LAMA2: variants seen among roughly 807,000 people sequenced by gnomAD.
LAMA2 encodes the protein laminin subunit alpha-2.
LAMA2 carries 269 observed loss-of-function variants against 364.8 expected under a neutral mutation model. That is an observed-to-expected ratio of 0.74 (90% CI 0.67 to 0.82). The LOEUF is 0.82. Ranked by LOEUF, LAMA2 falls within the 40% of genes least tolerant of loss-of-function variation. The pLI, the probability that LAMA2 is intolerant of heterozygous loss-of-function variation, is 0.00. For missense variants in LAMA2, 3,807 were observed against 3,873.2 expected (o/e 0.98, Z 0.45); for synonymous variants, 1,379 against 1,370.6 (o/e 1.01, Z -0.14).
intron 3 of LAMA2, among the ~76,000 whole-genome samples, chr6:129,075,072 A>G (rs1373238979): frequency 2.0e-5 from 3 of 152,148 alleles, no homozygotes; most frequent in Admixed American, 2.0e-4. Context: ...GTGCAAGTTC[A>G]TGAAAAAAAA....
chr6:129,027,332 C>T (rs1785893146), intron 1 of LAMA2, among the ~76,000 whole-genome samples: 3 of 152,164 alleles, frequency 2.0e-5, no homozygotes, highest in Admixed American at 6.5e-5. Flanking sequence ...TCCATTTGCA[C>T]ATATTTTCAC....
intron 20 of LAMA2, among the ~76,000 whole-genome samples, chr6:129,292,485 A>G (rs1389536705): frequency 6.6e-6 from 1 of 152,248 alleles, no homozygotes; most frequent in Non-Finnish European, 1.5e-5. Context: ...AGATATTTTT[A>G]AAGATGCATT....
intron 23 of LAMA2, 91 bp from the exon 24 acceptor site, chr6:129,314,564 A>C: frequency 1.6e-6 from 2 of 1,219,264 alleles, no homozygotes; most frequent in Non-Finnish European, 2.4e-6. Flanking sequence ...TAAATTTTTT[A>C]AAAAGAGTAT....
chr6:129,244,374 C>A (rs1183781371), intron 12 of LAMA2, among the ~76,000 whole-genome samples: 1 of 152,054 alleles, frequency 6.6e-6, no homozygotes, highest in African/African-American at 2.4e-5. Flanking sequence ...GGAGGGATAC[C>A]TTTTCAGAGT....
At position 129,173,483 on chromosome 6, in the gene LAMA2, C is replaced by T. The variant is rs545144063; in HGVS notation, c.1307-4223C>T. Among the ~76,000 whole-genome samples the T allele has an allele frequency of 1.1e-3, 174 of 152,250 alleles. 1 individual carries two copies. The highest frequency in any genetic ancestry group is 3.8e-3 in the African/African-American group (158 of 41,558). On this transcript the variant is annotated intron_variant, in intron 9 of 64. Coordinates refer to ENST00000421865, the MANE Select transcript of LAMA2 (RefSeq NM_000426.4). ...TATAAGATGTGATAAAGACTATCAT[C>T]CCTACATTCTTCACCACTTGTCAGT...
intron 16 of LAMA2, among the ~76,000 whole-genome samples, chr6:129,269,969 A>G (rs1283718435): frequency 1.3e-5 from 2 of 152,162 alleles, no homozygotes; most frequent in African/African-American, 4.8e-5. Context: ...CTACAGAAAT[A>G]CATATCCACA....
intron 10 of LAMA2, among the ~76,000 whole-genome samples, chr6:129,182,082 T>A (rs963184855): frequency 9.9e-5 from 15 of 150,942 alleles, no homozygotes; most frequent in African/African-American, 3.5e-4. Flanking sequence ...AGTATTTCTA[T>A]ATGTCAGTGA....
intron 29 of LAMA2, among the ~76,000 whole-genome samples, chr6:129,341,746 T>C (rs1776279106): frequency 6.6e-6 from 1 of 152,240 alleles, no homozygotes; most frequent in Admixed American, 6.5e-5. Context: ...TCTCATTTCT[T>C]TGTGGAAAGG....
At position 129,078,237 on chromosome 6, in the gene LAMA2, C is replaced by T. The variant is rs778478301; in HGVS notation, c.396+18341C>T. Reference sequence around the variant, plus strand: ...GCAGCCTCCGCCTCTAGCATTCAAGCGATTCTCCTGCCTCGGCTTCCTGAG... The same window carrying T: ...GCAGCCTCCGCCTCTAGCATTCAAGTGATTCTCCTGCCTCGGCTTCCTGAG... On this transcript the variant is annotated intron_variant, in intron 3 of 64. Transcript: ENST00000421865. Among the ~76,000 whole-genome samples the T allele has an allele frequency of 9.2e-5, 14 of 151,950 alleles. 1 individual carries two copies. The Middle Eastern group carries it at 0.014, about 148-fold the overall frequency.
chr6:128,889,475 T>C (rs1776325026), intron 1 of LAMA2, among the ~76,000 whole-genome samples: 1 of 152,180 alleles, frequency 6.6e-6, no homozygotes, highest in Non-Finnish European at 1.5e-5. Flanking sequence ...AATGCAATTT[T>C]GGCCTAATTT....
chr6:129,009,255 G>A (rs1784623795), intron 1 of LAMA2, among the ~76,000 whole-genome samples: 1 of 152,000 alleles, frequency 6.6e-6, no homozygotes, highest in Admixed American at 6.6e-5. Context: ...TTCCCACCCA[G>A]ACCATAATCT....
chr6:129,336,540 A>G (rs1333931757), intron 29 of LAMA2, among the ~76,000 whole-genome samples: 1 of 152,238 alleles, frequency 6.6e-6, no homozygotes, highest in Non-Finnish European at 1.5e-5. Flanking sequence ...TATTGTTACA[A>G]TAAACTTATG....
In LAMA2 at chr6:129,330,189, GTAA is replaced by G. The variant is rs374980327; in HGVS notation, c.4311+1789_4311+1791del. 6.9e-3 allele frequency among the ~76,000 whole-genome samples: 1,041 copies of G among 151,766 alleles called. 15 individuals are homozygous for G. The highest frequency in any genetic ancestry group is 0.024 in the African/African-American group (990 of 41,348). ...TATTACAATGTAATAATAATAGATA[GTAA>G]TAATAATAATAGATAATAAAGTGCA... On this transcript the variant is annotated intron_variant, in intron 29 of 64. Coordinates refer to ENST00000421865, the MANE Select transcript of LAMA2 (RefSeq NM_000426.4).
intron 41 of LAMA2, among the ~76,000 whole-genome samples, chr6:129,434,356 A>G (rs575443181): frequency 2.0e-5 from 3 of 152,030 alleles, no homozygotes; most frequent in Non-Finnish European, 2.9e-5. Context: ...ATTCTAGCAC[A>G]TTTTTCTTCT....
chr6:128,926,210 T>G (rs975494638), intron 1 of LAMA2, among the ~76,000 whole-genome samples: 11 of 152,152 alleles, frequency 7.2e-5, no homozygotes, highest in African/African-American at 2.7e-4. Flanking sequence ...AAATTGCATC[T>G]TTCCACAACT....
intron 60 of LAMA2, among the ~76,000 whole-genome samples, chr6:129,504,662 C>G (rs1785914580): frequency 1.3e-5 from 2 of 152,192 alleles, no homozygotes; most frequent in South Asian, 4.1e-4. Context: ...ACTTCTCTAT[C>G]TTACTCCCCC....
In LAMA2 at chr6:129,250,127, G is replaced by A. The variant is rs36044314; in HGVS notation, c.1798G>A (p.Gly600Arg). ...TGTCTTGTAGCTCCCAGCAGTAGGAGGACAGTTGACATTTACCATATCATA... is the reference window on the plus strand; with the variant it reads ...TGTCTTGTAGCTCCCAGCAGTAGGAAGACAGTTGACATTTACCATATCATA... ...YLGNKLPAVG[G>R]QLTFTISYDL... The change falls in exon 13 of 65, where the codon GGA (glycine) becomes AGA (arginine). Residue 600 changes from glycine (G) to arginine (R), a missense_variant. Around this residue, in one of 3 missense-constraint regions of LAMA2, gnomAD observed 3,333 missense variants for 3,345.7 expected, o/e 1.00. Transcript: ENST00000421865. The A allele has an allele frequency of 0.018, 28,346 of 1,601,344 alleles. 329 individuals carry two copies. The highest frequency in any genetic ancestry group is 0.02 in the Middle Eastern group (123 of 6,028).
Position 128,904,547 on chromosome 6 carries a change from C to T in LAMA2, c.112+21190C>T, listed in dbSNP as rs555317227. 3.9e-4 allele frequency among the ~76,000 whole-genome samples: 59 copies of T among 151,008 alleles called. 1 individual carries two copies. The highest frequency in any genetic ancestry group is 1.3e-3 in the African/African-American group (53 of 41,056). ...TTGGCTCACTGCAACCTCCGCCTCC[C>T]GGGTTCAAGTGATTCTCCTGCCTCA... is the stretch of plus-strand genomic sequence containing the variant. On this transcript the variant is annotated intron_variant, in intron 1 of 64. Coordinates refer to ENST00000421865, the MANE Select transcript of LAMA2 (RefSeq NM_000426.4).
intron 1 of LAMA2, among the ~76,000 whole-genome samples, chr6:129,044,016 G>A (rs114371920): frequency 0.01 from 1,578 of 152,114 alleles, 28 homozygotes; most frequent in African/African-American, 0.036. Context: ...GCTATTTTTA[G>A]TTTTGTTCAC....
Sources: allele counts gnomAD v4.1 joint callset (sites outside exome capture counted in the v4.1 genomes callset), GRCh38; gene constraint gnomAD v4.1.1; regional missense constraint gnomAD v4.1.1; transcripts MANE v1.5; gene names NCBI Gene and HGNC (gene_info 2026-07-23, HGNC 2026-07-21).